The following CACNA1D variants were observed in gnomAD, a reference collection of about 807,000 sequenced individuals.
The protein encoded by CACNA1D is voltage-dependent L-type calcium channel subunit alpha-1D.
In CACNA1D, 55 loss-of-function variants were observed where a neutral mutation model predicts 257.1. The ratio of observed to expected loss-of-function variants is 0.21; its 90% CI spans 0.17 to 0.27. The LOEUF (loss-of-function observed/expected upper bound fraction) is 0.27, where lower values mean the gene tolerates loss of function less well. Among genes scored for constraint, CACNA1D ranks in the 10% least tolerant of loss-of-function variants. The pLI is 1.00. For synonymous variants in CACNA1D, 980 were observed against 1,014.9 expected (o/e 0.97, Z 0.65); for missense variants, 1,876 against 2,784.0 (o/e 0.67, Z 7.34).
rs80344998 is a variant in CACNA1D, at chr3:53,513,325, T to C, written c.483+11605T>C. Among the ~76,000 whole-genome samples the C allele has an allele frequency of 7.1e-3, 1,077 of 152,312 alleles. 15 individuals carry two copies. The highest frequency in any genetic ancestry group is 0.024 in the African/African-American group (1,004 of 41,566). Reference sequence around the variant, plus strand: ...TCGTAGTCATTGTGCCTTTGTAACATTGTAGCACAATTACTTTATTTTAAA... The same window carrying C: ...TCGTAGTCATTGTGCCTTTGTAACACTGTAGCACAATTACTTTATTTTAAA... On this transcript the variant is annotated intron_variant, in intron 3 of 47. Coordinates refer to ENST00000350061, the MANE Select transcript of CACNA1D (RefSeq NM_001128840.3).
intron 3 of CACNA1D, among the ~76,000 whole-genome samples, chr3:53,510,954 T>G (rs1336256400): frequency 4.6e-5 from 7 of 152,202 alleles, no homozygotes; most frequent in Non-Finnish European, 1.0e-4. Flanking sequence ...TTCTTTTGAG[T>G]GAAATATTCA....
At chr3:53,531,474 T>A (rs1005573754) in intron 3 of CACNA1D, among the ~76,000 whole-genome samples, 7 of 152,228 alleles carry the variant, frequency 4.6e-5, no homozygotes, top group Non-Finnish European at 1.0e-4. Context: ...GTGAAGTGTT[T>A]GCAACAACCA....
intron 46 of CACNA1D, 139 bp from the exon 47 acceptor site, chr3:53,809,839 A>G: frequency 1.3e-6 from 1 of 779,884 alleles, no homozygotes; most frequent in Non-Finnish European, 2.3e-6. Context: ...AGCGTACTTC[A>G]GTGTGCCCAT....
intron 44 of CACNA1D, among the ~76,000 whole-genome samples, 172 bp downstream of exon 44, chr3:53,803,744 G>A (rs780016396): frequency 6.6e-6 from 1 of 152,258 alleles, no homozygotes; most frequent in Non-Finnish European, 1.5e-5. Context: ...GAGCCGCAGA[G>A]AGGCAGGGTG....
chr3:53,641,060 C>A (rs993968568), intron 3 of CACNA1D, among the ~76,000 whole-genome samples: 16 of 152,130 alleles, frequency 1.1e-4, no homozygotes, highest in Non-Finnish European at 2.1e-4. Flanking sequence ...GAAGACCGTA[C>A]CTTCCAGTGA....
At chr3:53,559,189 A>G (rs1440060387) in intron 3 of CACNA1D, among the ~76,000 whole-genome samples, 1 of 152,096 alleles carries the variant, frequency 6.6e-6, no homozygotes, top group Admixed American at 6.5e-5. Context: ...GTTTTATTGT[A>G]TCTTTATTTT....
chr3:53,568,107 A>C (rs916672748), intron 3 of CACNA1D, among the ~76,000 whole-genome samples: 3 of 152,166 alleles, frequency 2.0e-5, no homozygotes, highest in South Asian at 2.1e-4. Flanking sequence ...CTGTTTGTGG[A>C]TAATGAAGTT....
intron 3 of CACNA1D, among the ~76,000 whole-genome samples, chr3:53,547,709 C>T (rs1386136952): frequency 6.6e-6 from 1 of 152,150 alleles, no homozygotes; most frequent in African/African-American, 2.4e-5. Context: ...ATGGCAGTGG[C>T]CCTTTGGAGG....
intron 8 of CACNA1D, among the ~76,000 whole-genome samples, chr3:53,678,010 C>T (rs769006400): frequency 1.3e-5 from 2 of 152,194 alleles, no homozygotes; most frequent in Non-Finnish European, 2.9e-5. Flanking sequence ...AGGAAGGGTG[C>T]ATCTCTTCCT....
At chr3:53,802,969 T>C (rs1576720325) in intron 43 of CACNA1D, among the ~76,000 whole-genome samples, 3 of 152,184 alleles carry the variant, frequency 2.0e-5, no homozygotes, top group Admixed American at 2.0e-4. Context: ...CCTTCCTGAT[T>C]TGATACAGCA....
Position 53,783,708 on chromosome 3 carries a change from C to T in CACNA1D, c.4792+2041C>T, listed in dbSNP as rs376751154. ...GGTGCATAGACTCTGGAAGAGTTGCCGGACAGGGCTTGGTTCTCCACATTC... is the reference window on the plus strand; with the variant it reads ...GGTGCATAGACTCTGGAAGAGTTGCTGGACAGGGCTTGGTTCTCCACATTC... On this transcript the variant is annotated intron_variant, in intron 39 of 47. Coordinates refer to ENST00000350061, the MANE Select transcript of CACNA1D (RefSeq NM_001128840.3). 1.2e-4 allele frequency among the ~76,000 whole-genome samples: 18 copies of T among 152,328 alleles called. No homozygotes were observed. The East Asian group carries it at 1.7e-3, about 15-fold the overall frequency.
chr3:53,566,987 CTCCCCAAGG>C (rs1438439626), intron 3 of CACNA1D, among the ~76,000 whole-genome samples: 2 of 152,244 alleles, frequency 1.3e-5, no homozygotes, highest in Non-Finnish European at 2.9e-5. Context: ...AGCAGTCATC[CTCCCCAAGG>C]GGAGCAGCAG....
intron 3 of CACNA1D, among the ~76,000 whole-genome samples, chr3:53,560,378 G>T (rs1055542724): frequency 2.0e-5 from 3 of 152,160 alleles, no homozygotes; most frequent in African/African-American, 4.8e-5. Context: ...CCTGGAACTG[G>T]AGCCTCTATA....
chr3:53,765,315 G>C (rs899680822), intron 30 of CACNA1D: 1 of 152,598 alleles, frequency 6.6e-6, no homozygotes, highest in African/African-American at 2.4e-5. Flanking sequence ...GAACACCTTT[G>C]GTTCATCATT....
intron 40 of CACNA1D, chr3:53,791,599 C>A: frequency 6.5e-6 from 1 of 153,166 alleles, no homozygotes; most frequent in Non-Finnish European, 1.5e-5. Context: ...CTGCTCTCTG[C>A]AGAGACCCAG....
At chr3:53,714,233 G>A (rs779697067) in intron 9 of CACNA1D, among the ~76,000 whole-genome samples, 1 of 152,146 alleles carries the variant, frequency 6.6e-6, no homozygotes, top group Admixed American at 6.5e-5. Context: ...CTACAGTAGG[G>A]GACTGGCACT....
chr3:53,624,672 C>T (rs2093736343), intron 3 of CACNA1D, among the ~76,000 whole-genome samples: 1 of 152,220 alleles, frequency 6.6e-6, no homozygotes, highest in Non-Finnish European at 1.5e-5. Context: ...CCCTCAATGG[C>T]ATTACCGTAA....
chr3:53,753,992 A>G (rs965672494), intron 29 of CACNA1D, among the ~76,000 whole-genome samples: 2 of 152,262 alleles, frequency 1.3e-5, no homozygotes, highest in African/African-American at 4.8e-5. Flanking sequence ...ATGCTGTGTC[A>G]GGGAAACCTG....
At chr3:53,498,421 A>G (rs1192586706) in intron 2 of CACNA1D, among the ~76,000 whole-genome samples, 2 of 152,222 alleles carry the variant, frequency 1.3e-5, no homozygotes, top group Non-Finnish European at 2.9e-5. Context: ...GCCACTCTTC[A>G]GAGAAGGTTG....
Sources: gnomAD v4.1 joint callset for allele counts (sites outside exome capture counted in the v4.1 genomes callset) on GRCh38, gnomAD v4.1.1 for gene constraint, MANE v1.5 for transcripts, NCBI Gene and HGNC (gene_info 2026-07-23, HGNC 2026-07-21) for gene names.